MCM4: variants seen among roughly 807,000 people sequenced by gnomAD.
MCM4 encodes the protein DNA replication licensing factor MCM4.
MCM4 carries 60 observed loss-of-function variants against 88.7 expected under a neutral mutation model. That is an observed-to-expected ratio of 0.68 (90% CI 0.55 to 0.84). The LOEUF (loss-of-function observed/expected upper bound fraction) is 0.84. Ranked by LOEUF, MCM4 falls within the 40% of genes least tolerant of loss-of-function variation. MCM4 has a pLI of 0.00. For synonymous variants in MCM4, 465 were observed against 410.5 expected, an observed-to-expected ratio of 1.13 and a Z score of -1.61; for missense variants, 1,149 against 1,105.5, an observed-to-expected ratio of 1.04 and a Z score of -0.56.
intron 13 of MCM4, among the ~76,000 whole-genome samples, 185 bp downstream of exon 13, chr8:47,971,653 T>C (rs2090954556): frequency 6.6e-6 from 1 of 152,182 alleles, no homozygotes; most frequent in South Asian, 2.1e-4. Flanking sequence ...TTTAAGCAGT[T>C]GGGATGTTTA....
rs777923137 is a variant in MCM4 at position 47,970,902 on chromosome 8, A to G, written c.1800+26A>G. On this transcript the variant is annotated intron_variant, in intron 12 of 16. Transcript: ENST00000649973. ...GTGAGTCGCCTTCTCCACCGTGAACATGGACGTGTTTAAAATATGTGGACC... is the reference window on the plus strand; with the variant it reads ...GTGAGTCGCCTTCTCCACCGTGAACGTGGACGTGTTTAAAATATGTGGACC... The G allele has an allele frequency of 3.9e-6, 6 of 1,556,206 alleles. No homozygotes were observed. The Admixed American group carries it at 5.5e-5, about 14-fold the overall frequency.
chr8:47,973,097 G>A lies in MCM4; in HGVS notation c.2136+33G>A, dbSNP rs771063931. 10 of 1,562,496 alleles carry A rather than the reference G, an allele frequency of 6.4e-6. No individual in the cohort carries two copies. In the South Asian group the frequency reaches 1.0e-4, roughly 16 times the overall value. On this transcript the variant is annotated intron_variant, in intron 14 of 16. Coordinates refer to ENST00000649973, the MANE Select transcript of MCM4 (RefSeq NM_182746.3). ...TGCTGAAAAAAGGCTTACTGTGCCT[G>A]TAGCCCACAGCATTAATGTAACTGA...
At chr8:47,964,166 T>C (rs915254168) in intron 7 of MCM4, among the ~76,000 whole-genome samples, 18 of 152,334 alleles carry the variant, frequency 1.2e-4, no homozygotes, top group African/African-American at 4.3e-4. Flanking sequence ...GAGGTTGCAG[T>C]GAGCCAAGAT....
intron 10 of MCM4, 93 bp from the exon 11 acceptor site, chr8:47,969,705 G>A (rs1037428784): frequency 4.5e-6 from 6 of 1,325,038 alleles, no homozygotes; most frequent in African/African-American, 2.9e-5. Flanking sequence ...GTGGTGCCTC[G>A]CTCTGAAGTG....
Position 47,960,981 on chromosome 8 carries a change from G to C in MCM4, c.-48G>C. 1.5e-6 allele frequency: 1 copy of C among 671,820 alleles called. No homozygotes were observed. The allele number at this position is 671,820 out of a possible 1,614,324, so 41.6% of individuals were successfully genotyped here. A position where few individuals can be genotyped will look rare whatever the true frequency, so the allele number is the denominator to read the frequency against. On this transcript the variant is annotated 5_prime_UTR_variant, in exon 1 of 17. Coordinates refer to ENST00000649973, the MANE Select transcript of MCM4 (RefSeq NM_182746.3). ...TACTCGCCAGGTGGACTCGGAGTCC[G>C]CGAGCGTCGTCGGCAAGCGGCCGCC... is the stretch of plus-strand genomic sequence containing the variant.
chr8:47,968,198 A>G (rs2090917392), intron 10 of MCM4, among the ~76,000 whole-genome samples: 1 of 152,076 alleles, frequency 6.6e-6, no homozygotes, highest in Non-Finnish European at 1.5e-5. Context: ...TTGATGGGCA[A>G]GGTGGCGACG....
chr8:47,974,090 G>A (rs1334366373), intron 14 of MCM4: 2 of 152,374 alleles, frequency 1.3e-5, no homozygotes, highest in Admixed American at 6.5e-5. Flanking sequence ...GAGCTGAAGT[G>A]CATGATGGCA....
At position 47,971,330 on chromosome 8, in the gene MCM4, T is replaced by C; in HGVS notation, c.1801-11T>C. 1 of 1,614,132 alleles carries C rather than the reference T, an allele frequency of 6.2e-7. No homozygotes were observed. The highest frequency in any genetic ancestry group is 1.1e-5 in the South Asian group (1 of 91,070). On this transcript the variant is annotated splice_polypyrimidine_tract_variant and intron_variant, in intron 12 of 16. Transcript: ENST00000649973. ...GGGAGAGGCTTCTAACTGCACTCTT[T>C]GCTCTGATAGGCTGGGATCATCTGT... is the stretch of plus-strand genomic sequence containing the variant.
At chr8:47,970,133 A>G in intron 11 of MCM4, 76 bp downstream of exon 11, 1 of 1,498,378 alleles carries the variant, frequency 6.7e-7, no homozygotes, top group Non-Finnish European at 9.1e-7. Flanking sequence ...CCACTCCGCC[A>G]CTCGAGCCAT....
At chr8:47,961,295 G>C in intron 2 of MCM4, 81 bp downstream of exon 2, 1 of 1,426,944 alleles carries the variant, frequency 7.0e-7, no homozygotes, top group Non-Finnish European at 9.1e-7. Context: ...GCGCTGGGTG[G>C]GTGCGCGGGA....
chr8:47,969,028 A>G (rs577452578), intron 10 of MCM4: 3 of 152,314 alleles, frequency 2.0e-5, no homozygotes, highest in Admixed American at 2.0e-4. Context: ...CAACTTAGGG[A>G]AGTAAAAATA....
chr8:47,973,440 T>C lies in MCM4; in HGVS notation c.2136+376T>C, dbSNP rs1031760191. Among the ~76,000 whole-genome samples the C allele has an allele frequency of 3.3e-5, 5 of 152,166 alleles. No homozygotes were observed. In the South Asian group the frequency reaches 8.3e-4, roughly 25 times the overall value. ...ATGCGCCAGCCTCTGCCTCCCAAAG[T>C]GTTAGGATTGCAGGCGCAAGCCACC... On this transcript the variant is annotated intron_variant, in intron 14 of 16. Transcript: ENST00000649973.
intron 10 of MCM4, chr8:47,969,279 A>T (rs2090929022): frequency 6.5e-6 from 1 of 154,650 alleles, no homozygotes; most frequent in African/African-American, 2.4e-5. Context: ...TGTTTTTGAG[A>T]CGGAGTTTTG....
intron 2 of MCM4, 133 bp from the exon 3 acceptor site, chr8:47,961,383 G>C (rs2090830029): frequency 6.5e-7 from 1 of 1,542,858 alleles, no homozygotes; most frequent in Non-Finnish European, 8.7e-7. Context: ...CCTGGGTGCT[G>C]CTTAATTCGA....
rs1450533015 is a variant in MCM4, at chr8:47,977,766, T to A, written c.*988T>A. On this transcript the variant is annotated 3_prime_UTR_variant, in exon 17 of 17. Coordinates refer to ENST00000649973, the MANE Select transcript of MCM4 (RefSeq NM_182746.3). Reference sequence around the variant, plus strand: ...GAGCCACTGCACCCAGCCTTTGTTTTATTTTTTATTTTTTGAGAGGTATGA... The same window carrying A: ...GAGCCACTGCACCCAGCCTTTGTTTAATTTTTTATTTTTTGAGAGGTATGA... 6.6e-6 allele frequency: 1 copy of A among 152,210 alleles called. No homozygotes were observed. The highest frequency in any genetic ancestry group is 1.5e-5 in the Non-Finnish European group (1 of 68,036). The allele number at this position is 152,210 out of a possible 1,614,324, so 9.4% of individuals were successfully genotyped here.
chr8:47,976,905 A>G lies in MCM4; in HGVS notation c.*127A>G. 1 of 584,372 alleles carries G rather than the reference A, an allele frequency of 1.7e-6. No homozygotes were observed. The highest frequency in any genetic ancestry group is 2.8e-5 in the East Asian group (1 of 35,312). The allele number at this position is 584,372 out of a possible 1,614,324, so 36.2% of individuals were successfully genotyped here. ...AAAGTCATGGTTTGGCTGCATAAAA[A>G]TTTTCTAACTTGGGTTCAATATTTG... On this transcript the variant is annotated 3_prime_UTR_variant, in exon 17 of 17. Transcript: ENST00000649973.
intron 13 of MCM4, among the ~76,000 whole-genome samples, chr8:47,972,011 C>T (rs890801281): frequency 6.6e-6 from 1 of 151,670 alleles, no homozygotes; most frequent in African/African-American, 2.4e-5. Flanking sequence ...GTGGGTGGAT[C>T]GCCTGAGCTC....
At position 47,964,637 on chromosome 8, in the gene MCM4, A is replaced by T; in HGVS notation, c.757A>T (p.Ile253Phe). 2 of 1,607,964 alleles carry T rather than the reference A, an allele frequency of 1.2e-6. No individual in the cohort carries two copies. The highest frequency in any genetic ancestry group is 1.7e-6 in the Non-Finnish European group (2 of 1,178,486). The change falls in exon 8 of 17, where the codon ATC (isoleucine) becomes TTC (phenylalanine). Residue 253 changes from isoleucine (I) to phenylalanine (F), a missense_variant. Physicochemically the swap from Ile to Phe is conservative, Grantham distance 21. This residue lies in a region of MCM4 where 906 missense variants were observed against 843.0 expected (regional missense o/e 1.07). Transcript: ENST00000649973. ...EIFFDRYPDS[I>F]LEHQIQVRPF... ...CTTCTTTGACCGTTACCCTGACTCA[A>T]TCTTAGAACATCAGATTCAAGTAAG... is the stretch of plus-strand genomic sequence containing the variant.
Position 47,971,376 on chromosome 8 carries a change from T to C in MCM4, c.1836T>C (p.Ser612=), listed in dbSNP as rs140016961. ...TCTGTCAGCTCAATGCGCGCACCTCTGTCCTGGCAGCAGCAAATCCCATTG... is the reference window on the plus strand; with the variant it reads ...TCTGTCAGCTCAATGCGCGCACCTCCGTCCTGGCAGCAGCAAATCCCATTG... The part of the protein sequence containing the change: ...GIICQLNART[S]VLAAANPIES... Residue 612 remains serine, a synonymous_variant, in exon 13 of 17, where the codon TCT becomes TCC. Transcript: ENST00000649973. 2.3e-5 allele frequency: 37 copies of C among 1,614,042 alleles called. No homozygotes were observed. The African/African-American group carries it at 4.7e-4, about 20-fold the overall frequency.
Sources: gnomAD v4.1 joint callset for allele counts (sites outside exome capture counted in the v4.1 genomes callset) on GRCh38, gnomAD v4.1.1 for gene constraint, gnomAD v4.1.1 regional missense constraint, MANE v1.5 for transcripts, NCBI Gene and HGNC (gene_info 2026-07-23, HGNC 2026-07-21) for gene names.